Variants in FRMPD4 observed in about 807,000 individuals in gnomAD.
The protein encoded by FRMPD4 is FERM and PDZ domain containing 4.
In FRMPD4, 22 loss-of-function variants were observed where a neutral mutation model predicts 94.1. The observed-to-expected ratio is 0.23, with a 90% confidence interval of 0.17 to 0.33. The LOEUF is 0.33. FRMPD4 is among the 10% of genes least tolerant of loss of function. FRMPD4 has a pLI of 1.00. For missense variants in FRMPD4, 1,111 were observed against 1,339.9 expected (o/e 0.83, Z 2.67); for synonymous variants, 631 against 548.6 (o/e 1.15, Z -2.10).
Position 12,721,693 on chromosome X carries a change from C to T in FRMPD4, c.5124C>T (p.Ile1708=). Reference sequence around the variant, plus strand: ...AGCGGCAGGAAATTGTAGGGAAGATCGATGAAGTGGTCATAAATTACATTT... The same window carrying T: ...AGCGGCAGGAAATTGTAGGGAAGATTGATGAAGTGGTCATAAATTACATTT... ...ETQRQEIVGK[I]DEVVINYICL... The change falls in exon 17 of 17, where the codon ATC becomes ATT. Residue 1708 remains isoleucine (I), a synonymous_variant. Transcript: ENST00000675598. 1 of 752,895 alleles carries T rather than the reference C, an allele frequency of 1.3e-6. No individual in the cohort carries two copies. Among genetic ancestry groups the T allele is most frequent in the Non-Finnish European group, 1.6e-6 (1 of 636,782 alleles). 62.0% of individuals were successfully genotyped at this position (752,895 alleles called of 1,213,427 possible). A position where few individuals can be genotyped will look rare whatever the true frequency, so the allele number is the denominator to read the frequency against.
chrX:12,255,092 AT>A (rs2054096499), intron 1 of FRMPD4, among the ~76,000 whole-genome samples: 1 of 111,346 alleles, frequency 9.0e-6, no homozygotes. Flanking sequence ...AAAGCACTTA[AT>A]TTTCCCGTAA....
chrX:11,986,780 A>G (rs911093393), intron 3 of FRMPD4, among the ~76,000 whole-genome samples: 1 of 110,796 alleles, frequency 9.0e-6, no homozygotes, highest in Non-Finnish European at 1.9e-5. Flanking sequence ...AGTGGCTACT[A>G]TGAGGAACTA....
At chrX:12,268,787 G>A (rs1308791488) in intron 1 of FRMPD4, among the ~76,000 whole-genome samples, 1 of 111,984 alleles carries the variant, frequency 8.9e-6, no homozygotes, top group Non-Finnish European at 1.9e-5. Flanking sequence ...GTCACTTCAA[G>A]CTTTACCCTC....
chrX:11,852,565 G>T (rs1278114712), intron 1 of FRMPD4, among the ~76,000 whole-genome samples: 2 of 111,031 alleles, frequency 1.8e-5, no homozygotes, highest in Non-Finnish European at 3.8e-5. Context: ...AGAATTCTCT[G>T]TGTGTACTTT....
chrX:12,355,346 T>A (rs992597011), intron 1 of FRMPD4, among the ~76,000 whole-genome samples: 2 of 110,917 alleles, frequency 1.8e-5, no homozygotes, highest in Non-Finnish European at 3.8e-5. Flanking sequence ...GCCTGGCTAA[T>A]GTTTTGTAAT....
intron 3 of FRMPD4, among the ~76,000 whole-genome samples, chrX:11,977,174 ACAAACT>A (rs998212200): frequency 6.0e-5 from 5 of 83,580 alleles, no homozygotes; most frequent in African/African-American, 2.0e-4. Flanking sequence ...ACTGTGGAAA[ACAAACT>A]CTGAGCAAAT....
At chrX:12,690,150 G>A (rs771582185) in intron 7 of FRMPD4, 45 bp from the exon 8 acceptor site, 1 of 1,124,167 alleles carries the variant, frequency 8.9e-7, no homozygotes, top group East Asian at 3.1e-5. Flanking sequence ...CCACAAGATG[G>A]CAGCTTCGAT....
intron 1 of FRMPD4, among the ~76,000 whole-genome samples, chrX:11,856,879 G>A (rs2147294586): frequency 8.9e-6 from 1 of 111,973 alleles, no homozygotes; most frequent in African/African-American, 3.2e-5. Flanking sequence ...CAAAATCAAT[G>A]TGCAAAAATC....
intron 2 of FRMPD4, among the ~76,000 whole-genome samples, chrX:12,535,283 C>T (rs1282711692): frequency 9.0e-6 from 1 of 111,614 alleles, no homozygotes; most frequent in East Asian, 2.8e-4. Context: ...CCCAATAAAC[C>T]TCTTTCTTTT....
At chrX:12,190,725 C>T (rs995197988) in intron 1 of FRMPD4, among the ~76,000 whole-genome samples, 1 of 98,262 alleles carries the variant, frequency 1.0e-5, no homozygotes, top group African/African-American at 3.6e-5. Context: ...TACACACAAA[C>T]TTGATGCCTG....
At chrX:12,580,456 T>G (rs1402063680) in intron 2 of FRMPD4, among the ~76,000 whole-genome samples, 1 of 112,107 alleles carries the variant, frequency 8.9e-6, no homozygotes, top group East Asian at 2.8e-4. Context: ...GTTTTTCCTA[T>G]ACCCATGATA....
In FRMPD4 at chrX:12,534,369, A is replaced by G. The variant is rs776294239; in HGVS notation, c.158+35573A>G. ...GTTCAGAAGGGAAATGTGGGATTGGAGCCCCCCCACAGAGTCCCTACTGGG... is the reference window on the plus strand; with the variant it reads ...GTTCAGAAGGGAAATGTGGGATTGGGGCCCCCCCACAGAGTCCCTACTGGG... On this transcript the variant is annotated intron_variant, in intron 2 of 16. Transcript: ENST00000675598. Among the ~76,000 whole-genome samples, 3 of 112,367 alleles carry G rather than the reference A, an allele frequency of 2.7e-5. No individual in the cohort carries two copies. In the South Asian group the frequency reaches 1.1e-3, roughly 42 times the overall value.
intron 3 of FRMPD4, among the ~76,000 whole-genome samples, chrX:12,073,838 G>A (rs767568948): frequency 9.0e-6 from 1 of 110,970 alleles, no homozygotes; most frequent in African/African-American, 3.3e-5. Context: ...CCTGTGTCCA[G>A]GATTACAGGT....
chrX:12,097,814 A>G (rs1442948539), intron 3 of FRMPD4, among the ~76,000 whole-genome samples: 4 of 112,436 alleles, frequency 3.6e-5, no homozygotes, highest in Non-Finnish European at 5.6e-5. Context: ...TTTTAAATCT[A>G]TTCACTAGTT....
rs111441692 is a variant in FRMPD4 at position 12,233,977 on chromosome X, ATTATTTAT to A, written c.41+94986_41+94993del. Among the ~76,000 whole-genome samples the A allele has an allele frequency of 9.3e-3, 958 of 103,213 alleles. 10 individuals carry two copies. The highest frequency in any genetic ancestry group is 0.03 in the African/African-American group (866 of 28,541). The allele number at this position is 103,213 out of a possible 115,157, so 89.6% of individuals were successfully genotyped here. On this transcript the variant is annotated intron_variant, in intron 1 of 16. Coordinates refer to ENST00000675598, the MANE Select transcript of FRMPD4 (RefSeq NM_001368397.1). ...GCGTCATCTGCCAGAGAATGAATGA[ATTATTTAT>A]TTATTTATTTATTTATTTATAATTT...
At chrX:12,337,416 C>T (rs1252871418) in intron 1 of FRMPD4, among the ~76,000 whole-genome samples, 4 of 112,175 alleles carry the variant, frequency 3.6e-5, no homozygotes, top group Non-Finnish European at 5.6e-5. Context: ...AAAGAATGCA[C>T]ACATATTCCA....
At chrX:12,212,534 G>C (rs2056765924) in intron 1 of FRMPD4, among the ~76,000 whole-genome samples, 1 of 111,456 alleles carries the variant, frequency 9.0e-6, no homozygotes, top group African/African-American at 3.3e-5. Flanking sequence ...ATGCCTCTCT[G>C]AGAACTGAGC....
chrX:12,609,126 A>C (rs1049241956), intron 2 of FRMPD4, among the ~76,000 whole-genome samples: 7 of 112,441 alleles, frequency 6.2e-5, no homozygotes, highest in Admixed American at 5.6e-4. Flanking sequence ...GAGAAAATAT[A>C]TTTATTAATC....
In FRMPD4 at chrX:11,897,854, C is replaced by A. The variant is rs142720635; in HGVS notation, c.95+19836C>A. Among the ~76,000 whole-genome samples, 4 of 111,609 alleles carry A rather than the reference C, an allele frequency of 3.6e-5. No homozygotes were observed. In the East Asian group the frequency reaches 1.1e-3, roughly 31 times the overall value. ...TGCATAGTATGTTAGACATAAGTGCCATGGTAAAACCGGGGCTGGCTAAGG... is the reference window on the plus strand; with the variant it reads ...TGCATAGTATGTTAGACATAAGTGCAATGGTAAAACCGGGGCTGGCTAAGG... On this transcript the variant is annotated intron_variant, in intron 3 of 18. Transcript: ENST00000640291.
Sources: allele counts gnomAD v4.1 joint callset (sites outside exome capture counted in the v4.1 genomes callset), GRCh38; gene constraint gnomAD v4.1.1; transcripts MANE v1.5; gene names NCBI Gene and HGNC (gene_info 2026-07-23, HGNC 2026-07-21).